The following SLC45A4 variants were observed in gnomAD, a reference collection of about 807,000 sequenced individuals.
SLC45A4 encodes the protein solute carrier family 45 member 4.
A neutral mutation model predicts 63.7 loss-of-function variants in SLC45A4; 32 were observed. That is an observed-to-expected ratio of 0.50 (90% CI 0.38 to 0.67). SLC45A4 has a LOEUF of 0.67. Among genes scored for constraint, SLC45A4 ranks in the 30% least tolerant of loss-of-function variants. The pLI is 0.00. For missense variants in SLC45A4, 1,027 were observed against 1,157.7 expected, an observed-to-expected ratio of 0.89 and a Z score of 1.64; for synonymous variants, 535 against 510.0, an observed-to-expected ratio of 1.05 and a Z score of -0.66.
At chr8:141,235,298 T>A (rs1023852736) in intron 2 of SLC45A4, among the ~76,000 whole-genome samples, 5 of 152,192 alleles carry the variant, frequency 3.3e-5, no homozygotes, top group African/African-American at 1.2e-4. Context: ...GGCGGCCCCA[T>A]TTATAAATCA....
chr8:141,266,773 G>T (rs969448503), intron 1 of SLC45A4, among the ~76,000 whole-genome samples: 3 of 152,346 alleles, frequency 2.0e-5, no homozygotes, highest in African/African-American at 7.2e-5. Flanking sequence ...TGCATGCCTG[G>T]CTGGGCAGGA....
In SLC45A4 at chr8:141,278,384, CAG is replaced by C. The variant is rs1829809249; in HGVS notation, c.-400-23757_-400-23756del. On this transcript the variant is annotated intron_variant, in intron 1 of 8. Transcript: ENST00000517878. This position sits in a 1 kb window ranked among gnomAD's most constrained non-coding sequence, Gnocchi z 4.1. ...ACAACCCATAAGGACACTAGCGGGA[CAG>C]GGGTGAGCACCTGCGGTGGAAGCGG... 1 of 152,864 alleles carries C rather than the reference CAG, an allele frequency of 6.5e-6. No homozygotes were observed. The highest frequency in any genetic ancestry group is 6.5e-5 in the Admixed American group (1 of 15,288). The allele number at this position is 152,864 out of a possible 1,614,324, so 9.5% of individuals were successfully genotyped here.
At chr8:141,220,498 T>C (rs1826542161) in intron 3 of SLC45A4, among the ~76,000 whole-genome samples, 1 of 152,184 alleles carries the variant, frequency 6.6e-6, no homozygotes, top group South Asian at 2.1e-4. Flanking sequence ...CAGGGGAGTC[T>C]GCCCCTGAAT....
chr8:141,300,314 G>C (rs928524681), intron 1 of SLC45A4, among the ~76,000 whole-genome samples: 3 of 152,210 alleles, frequency 2.0e-5, no homozygotes, highest in Non-Finnish European at 4.4e-5. Flanking sequence ...AAGTTCTACT[G>C]CTCTCAGTCC....
At position 141,258,264 on chromosome 8, in the gene SLC45A4, C is replaced by T. The variant is rs558569006; in HGVS notation, c.-400-3635G>A. On this transcript the variant is annotated intron_variant, in intron 1 of 8. Coordinates refer to ENST00000517878, the MANE Select transcript of SLC45A4 (RefSeq NM_001286646.2). ...GCGACGGTGGAGCCCTGCTTGGCTC[C>T]CACACCCCCCAGCCTCACTCTGCTC... Among the ~76,000 whole-genome samples the T allele has an allele frequency of 1.3e-4, 20 of 152,144 alleles. No individual in the cohort carries two copies. In the South Asian group the frequency reaches 3.9e-3, roughly 30 times the overall value.
chr8:141,304,284 C>CACACAT (rs1554606185), intron 1 of SLC45A4, among the ~76,000 whole-genome samples: 1 of 151,062 alleles, frequency 6.6e-6, no homozygotes, highest in Non-Finnish European at 1.5e-5. Flanking sequence ...CACACACACA[C>CACACAT]GCAAAGGAGA....
chr8:141,263,644 C>A (rs1829134491), intron 1 of SLC45A4, among the ~76,000 whole-genome samples: 1 of 150,844 alleles, frequency 6.6e-6, no homozygotes, highest in Non-Finnish European at 1.5e-5. Context: ...GTGGCATGTG[C>A]CTGTAATCCC....
In SLC45A4 at chr8:141,217,647, G is replaced by C. The variant is rs565661890; in HGVS notation, c.1629+364C>G. Among the ~76,000 whole-genome samples, 11 of 152,350 alleles carry C rather than the reference G, an allele frequency of 7.2e-5. No individual in the cohort carries two copies. In the East Asian group the frequency reaches 2.1e-3, roughly 29 times the overall value. On this transcript the variant is annotated intron_variant, in intron 5 of 8. Transcript: ENST00000517878. ...GGTGTGACCCAGCCGTTACCACAGG[G>C]GCCAGAAGGGCCACCAATGAGCCTG... is the stretch of plus-strand genomic sequence containing the variant.
At chr8:141,246,114 C>T (rs1828178280) in intron 2 of SLC45A4, among the ~76,000 whole-genome samples, 1 of 152,222 alleles carries the variant, frequency 6.6e-6, no homozygotes, top group Non-Finnish European at 1.5e-5. Flanking sequence ...TCAATACAAA[C>T]ATGCTGCTTC....
At chr8:141,284,211 G>C (rs543757373) in intron 1 of SLC45A4, among the ~76,000 whole-genome samples, 4 of 152,320 alleles carry the variant, frequency 2.6e-5, no homozygotes, top group Admixed American at 6.5e-5. Flanking sequence ...AAGTCATGAA[G>C]ACTCTGAGGT....
intron 5 of SLC45A4, among the ~76,000 whole-genome samples, 169 bp downstream of exon 5, chr8:141,217,842 G>T (rs151084605): frequency 6.6e-6 from 1 of 152,126 alleles, no homozygotes; most frequent in Non-Finnish European, 1.5e-5. Context: ...CCAGAGGCGC[G>T]CGCGGGCCAG....
At chr8:141,225,367 T>A (rs1826912300) in intron 2 of SLC45A4, 1 of 152,080 alleles carries the variant, frequency 6.6e-6, no homozygotes, top group African/African-American at 2.4e-5. Context: ...AAAGGCAGAG[T>A]GGAGTTAACT....
At chr8:141,219,853 G>A (rs111447630) in intron 3 of SLC45A4, 24 bp from the exon 4 acceptor site, 22 of 1,532,070 alleles carry the variant, frequency 1.4e-5, no homozygotes, top group East Asian at 2.5e-5. Flanking sequence ...ACGGGAGGGC[G>A]GTCAGGTCCT....
chr8:141,259,214 C>A (rs900959413), intron 1 of SLC45A4, among the ~76,000 whole-genome samples: 27 of 152,378 alleles, frequency 1.8e-4, no homozygotes, highest in Admixed American at 1.6e-3. Flanking sequence ...CCCAGAGTAT[C>A]CGCATGGCCA....
intron 1 of SLC45A4, among the ~76,000 whole-genome samples, chr8:141,289,417 C>G (rs1830270284): frequency 6.6e-6 from 1 of 152,192 alleles, no homozygotes; most frequent in Admixed American, 6.5e-5. Flanking sequence ...GTCTAAGAGT[C>G]ACAAAGATGT....
rs7018178 is a variant in SLC45A4 at position 141,229,111 on chromosome 8, T to C, written c.242-7346A>G. Among the ~76,000 whole-genome samples the C allele has an allele frequency of 0.57, 85,861 of 151,948 alleles. 24,841 individuals are homozygous for C. Among genetic ancestry groups the C allele is most frequent in the East Asian group, 0.85 (4,382 of 5,154 alleles). ...CTTTACCTTCCCCCCTTACCTGACA[T>C]TCAATAACTGCTTAGTGCCCTTAAA... is the stretch of plus-strand genomic sequence containing the variant. On this transcript the variant is annotated intron_variant, in intron 2 of 8. Transcript: ENST00000517878. The surrounding 1 kb of genome is among the most constrained non-coding windows in gnomAD (Gnocchi z 5.0).
intron 1 of SLC45A4, among the ~76,000 whole-genome samples, chr8:141,261,302 A>C (rs1049271501): frequency 6.6e-6 from 1 of 152,200 alleles, no homozygotes; most frequent in Non-Finnish European, 1.5e-5. Flanking sequence ...ATTCCCTTTG[A>C]AAACTGGCAC....
intron 2 of SLC45A4, among the ~76,000 whole-genome samples, chr8:141,243,042 C>T (rs370091953): frequency 1.4e-4 from 21 of 152,218 alleles, no homozygotes; most frequent in Admixed American, 1.1e-3. Context: ...CACAGAAAAA[C>T]CTGCTAGAGT....
In SLC45A4 at chr8:141,208,326, G is replaced by C. The variant is rs938548446; in HGVS notation, c.*3246C>G. The C allele has an allele frequency of 4.6e-5, 7 of 152,224 alleles. No individual in the cohort carries two copies. The highest frequency in any genetic ancestry group is 1.5e-5 in the Non-Finnish European group (1 of 68,070). The allele number at this position is 152,224 out of a possible 1,614,324, so 9.4% of individuals were successfully genotyped here. On this transcript the variant is annotated 3_prime_UTR_variant, in exon 9 of 9. Transcript: ENST00000517878. ...CCGAACATCACCGCCCCAGCAGTGG[G>C]AGAGCCGAGGGTGGCCTGCAGCTCC... is the stretch of plus-strand genomic sequence containing the variant.
Sources: allele counts gnomAD v4.1 joint callset (sites outside exome capture counted in the v4.1 genomes callset), GRCh38; gene constraint gnomAD v4.1.1; non-coding constraint Gnocchi (gnomAD v3.1); transcripts MANE v1.5; gene names NCBI Gene and HGNC (gene_info 2026-07-23, HGNC 2026-07-21).